The following NEK11 variants were observed in gnomAD, a reference collection of about 807,000 sequenced individuals.
The protein encoded by NEK11 is NIMA related kinase 11.
A neutral mutation model predicts 80.7 loss-of-function variants in NEK11; 72 were observed. That is an observed-to-expected ratio of 0.89 (90% CI 0.74 to 1.08). NEK11 has a LOEUF of 1.08. Among genes scored for constraint, NEK11 ranks in the 50% least tolerant of loss-of-function variants. NEK11 has a pLI of 0.00. For synonymous variants in NEK11, 251 were observed against 260.7 expected (o/e 0.96, Z 0.36); for missense variants, 764 against 763.6 (o/e 1.00, Z -0.01).
chr3:131,193,647 T>C (rs2093887399), intron 14 of NEK11, among the ~76,000 whole-genome samples: 1 of 152,192 alleles, frequency 6.6e-6, no homozygotes, highest in African/African-American at 2.4e-5. Flanking sequence ...TTTTCAGTGT[T>C]ATTGTAATGA....
At chr3:131,197,689 T>C (rs912459401) in intron 14 of NEK11, among the ~76,000 whole-genome samples, 45 of 152,220 alleles carry the variant, frequency 3.0e-4, no homozygotes, top group Admixed American at 2.6e-3. Context: ...GCAAAATATT[T>C]TTCCTTCTCT....
intron 7 of NEK11, among the ~76,000 whole-genome samples, chr3:131,136,641 T>C (rs2085632394): frequency 6.6e-6 from 1 of 152,228 alleles, no homozygotes. Context: ...TGTTAAACTT[T>C]TCTGGCTTCA....
intron 14 of NEK11, among the ~76,000 whole-genome samples, chr3:131,199,896 A>C (rs1449562771): frequency 6.6e-6 from 1 of 152,214 alleles, no homozygotes; most frequent in Non-Finnish European, 1.5e-5. Flanking sequence ...GACCGGGGAA[A>C]CACAGTGAGA....
intron 14 of NEK11, among the ~76,000 whole-genome samples, chr3:131,211,336 T>C (rs1201212067): frequency 6.6e-6 from 1 of 152,200 alleles, no homozygotes; most frequent in Admixed American, 6.5e-5. Flanking sequence ...CTGAGAGATC[T>C]GCTGTTAGTC....
At chr3:131,125,872 C>T (rs1210631319) in intron 5 of NEK11, among the ~76,000 whole-genome samples, 4 of 152,192 alleles carry the variant, frequency 2.6e-5, no homozygotes, top group East Asian at 1.9e-4. Context: ...TTTGCTAAGG[C>T]TGCCAGAAGC....
At chr3:131,126,336 A>G (rs916961265) in intron 5 of NEK11, among the ~76,000 whole-genome samples, 1 of 152,036 alleles carries the variant, frequency 6.6e-6, no homozygotes, top group African/African-American at 2.4e-5. Context: ...CCTCCCCAAA[A>G]CAAATCCTTA....
intron 4 of NEK11, among the ~76,000 whole-genome samples, chr3:131,091,714 A>G (rs2076756106): frequency 6.6e-6 from 1 of 152,228 alleles, no homozygotes; most frequent in Non-Finnish European, 1.5e-5. Context: ...TAATGCACAA[A>G]TGTCTCCAAA....
At chr3:131,334,404 G>A (rs1195258544) in intron 17 of NEK11, among the ~76,000 whole-genome samples, 1 of 151,720 alleles carries the variant, frequency 6.6e-6, no homozygotes, top group African/African-American at 2.4e-5. Context: ...AAATAAAGAT[G>A]TTCTTTGAAA....
intron 14 of NEK11, among the ~76,000 whole-genome samples, chr3:131,177,841 TAC>T (rs2093122736): frequency 6.6e-6 from 1 of 152,244 alleles, no homozygotes; most frequent in Non-Finnish European, 1.5e-5. Context: ...CTCACGTGAA[TAC>T]AGTCATGTAC....
At chr3:131,184,834 C>T (rs996875613) in intron 14 of NEK11, 1 of 464,770 alleles carries the variant, frequency 2.2e-6, no homozygotes, top group African/African-American at 2.0e-5. Flanking sequence ...TTATGGATAC[C>T]CCTACATTTA....
chr3:131,267,493 A>C (rs2096082993), intron 16 of NEK11, among the ~76,000 whole-genome samples: 1 of 152,288 alleles, frequency 6.6e-6, no homozygotes, highest in African/African-American at 2.4e-5. Flanking sequence ...AAATTCTTTT[A>C]TTTAAGAATG....
intron 17 of NEK11, among the ~76,000 whole-genome samples, chr3:131,323,652 G>A (rs2096922333): frequency 6.6e-6 from 1 of 152,204 alleles, no homozygotes; most frequent in African/African-American, 2.4e-5. Flanking sequence ...TATTTATGGT[G>A]AAACACTTAA....
At chr3:131,052,605 C>T (rs147874562) in intron 3 of NEK11, among the ~76,000 whole-genome samples, 62 of 152,202 alleles carry the variant, frequency 4.1e-4, no homozygotes, top group East Asian at 4.0e-3. Flanking sequence ...AACAGTGTTA[C>T]CTTGCCACCG....
chr3:131,040,231 G>A (rs1053854473), intron 3 of NEK11, among the ~76,000 whole-genome samples: 1 of 151,862 alleles, frequency 6.6e-6, no homozygotes, highest in African/African-American at 2.4e-5. Flanking sequence ...GAATAATTAT[G>A]AACCTTTGAC....
chr3:131,171,033 C>T (rs920761281), intron 14 of NEK11, 146 bp downstream of exon 14: 6 of 698,510 alleles, frequency 8.6e-6, no homozygotes, highest in African/African-American at 7.0e-5. Context: ...GGGCTATGAC[C>T]AGGATGAAAA....
At chr3:131,140,152 C>T (rs554434155) in intron 7 of NEK11, among the ~76,000 whole-genome samples, 169 of 152,194 alleles carry the variant, frequency 1.1e-3, no homozygotes, top group South Asian at 3.3e-3. Flanking sequence ...TTGGGTAAGC[C>T]TGTGATTATG....
intron 3 of NEK11, among the ~76,000 whole-genome samples, chr3:131,033,220 T>A (rs903465243): frequency 1.4e-4 from 22 of 152,262 alleles, no homozygotes; most frequent in African/African-American, 5.1e-4. Context: ...AACCATTAGT[T>A]TGTGAGCAAA....
At chr3:131,203,371 T>C (rs1196887403) in intron 14 of NEK11, among the ~76,000 whole-genome samples, 4 of 146,292 alleles carry the variant, frequency 2.7e-5, no homozygotes, top group Admixed American at 7.0e-5. Flanking sequence ...TAGATGGGAA[T>C]TGAACAATGA....
chr3:131,039,591 T>A (rs1355651617), intron 3 of NEK11, among the ~76,000 whole-genome samples: 1 of 152,208 alleles, frequency 6.6e-6, no homozygotes, highest in Non-Finnish European at 1.5e-5. Flanking sequence ...TTTTGACGCA[T>A]GAATGTCTCT....
Sources: allele counts gnomAD v4.1 joint callset (sites outside exome capture counted in the v4.1 genomes callset), GRCh38; gene constraint gnomAD v4.1.1; transcripts MANE v1.5; gene names NCBI Gene and HGNC (gene_info 2026-07-23, HGNC 2026-07-21).